Variants in TMEM74 observed in about 807,000 individuals in gnomAD.
The protein encoded by TMEM74 is transmembrane protein 74.
In TMEM74, 13 loss-of-function variants were observed where a neutral mutation model predicts 18.1. That is an observed-to-expected ratio of 0.72 (90% CI 0.47 to 1.14). The LOEUF (loss-of-function observed/expected upper bound fraction) is 1.14, where lower values mean the gene tolerates loss of function less well. Among genes scored for constraint, TMEM74 ranks in the 50% most tolerant of loss-of-function variants. The pLI, the probability that TMEM74 is intolerant of heterozygous loss-of-function variation, is 0.00. For synonymous variants in TMEM74, 159 were observed against 146.6 expected (o/e 1.08, Z -0.61); for missense variants, 372 against 375.9 (o/e 0.99, Z 0.09).
intron 1 of TMEM74, among the ~76,000 whole-genome samples, chr8:108,680,715 G>A (rs938245108): frequency 6.6e-6 from 1 of 152,174 alleles, no homozygotes; most frequent in Non-Finnish European, 1.5e-5. Context: ...AGGAAAAGAG[G>A]AAGTCAAATT....
intron 1 of TMEM74, among the ~76,000 whole-genome samples, chr8:108,748,258 T>C (rs3019364): frequency 0.38 from 57,112 of 151,978 alleles, 11,076 homozygotes; most frequent in African/African-American, 0.45. Context: ...ATAGCCATTC[T>C]GACTGGCATG....
At chr8:108,633,224 G>A (rs1046892276) in intron 2 of TMEM74, among the ~76,000 whole-genome samples, 2 of 151,834 alleles carry the variant, frequency 1.3e-5, no homozygotes, top group Non-Finnish European at 2.9e-5. Flanking sequence ...AGAAACAATA[G>A]GATTTTATAG....
intron 1 of TMEM74, among the ~76,000 whole-genome samples, chr8:108,720,844 C>A (rs763030690): frequency 6.6e-6 from 1 of 152,126 alleles, no homozygotes; most frequent in Non-Finnish European, 1.5e-5. Flanking sequence ...TCTCTGCTCA[C>A]TGCAACCTCT....
intron 2 of TMEM74, chr8:108,652,260 T>C (rs774950741): frequency 1.0e-3 from 158 of 154,366 alleles, no homozygotes; most frequent in Non-Finnish European, 1.7e-3. Context: ...CTATATATCA[T>C]GCAACCTTTA....
At chr8:108,609,577 G>A (rs1033385327) in intron 2 of TMEM74, among the ~76,000 whole-genome samples, 3 of 152,164 alleles carry the variant, frequency 2.0e-5, no homozygotes, top group South Asian at 2.1e-4. Context: ...GAACCCAGGA[G>A]GCAGAGGTTG....
intron 1 of TMEM74, among the ~76,000 whole-genome samples, chr8:108,667,626 C>T (rs1023937788): frequency 1.3e-5 from 2 of 152,112 alleles, no homozygotes; most frequent in African/African-American, 4.8e-5. Flanking sequence ...AAGGGAATTT[C>T]AAGGTTTTGC....
chr8:108,772,677 T>C (rs1485262598), intron 1 of TMEM74, among the ~76,000 whole-genome samples: 4 of 152,112 alleles, frequency 2.6e-5, no homozygotes, highest in Non-Finnish European at 5.9e-5. Flanking sequence ...GCCTATTTAT[T>C]ATAGATGAAA....
Position 108,679,714 on chromosome 8 carries a change from G to A in TMEM74, n.120-24277C>T, listed in dbSNP as rs1025766678. The stretch of plus-strand genomic sequence containing the variant: ...TTGTAGGTTGTCTGTTCACTCTGAT[G>A]GTAGTTTCTTTTGCTGTGCAGAAGC... On this transcript the variant is annotated intron_variant and non_coding_transcript_variant, in intron 1 of 3. Transcript: ENST00000518838. 3.3e-5 allele frequency among the ~76,000 whole-genome samples: 5 copies of A among 152,160 alleles called. No individual in the cohort carries two copies. The Middle Eastern group carries it at 0.017, about 518-fold the overall frequency.
At chr8:108,710,558 G>A (rs887133236) in intron 1 of TMEM74, among the ~76,000 whole-genome samples, 1 of 152,190 alleles carries the variant, frequency 6.6e-6, no homozygotes, top group Non-Finnish European at 1.5e-5. Context: ...AACACTTAGG[G>A]GGCCGTAGGC....
chr8:108,652,398 T>A (rs1053548432), intron 2 of TMEM74: 1 of 245,950 alleles, frequency 4.1e-6, no homozygotes, highest in Non-Finnish European at 7.9e-6. Flanking sequence ...TAGAAGGGAG[T>A]GCTTAGAACA....
chr8:108,711,900 C>T (rs1233973177), intron 1 of TMEM74, among the ~76,000 whole-genome samples: 1 of 151,922 alleles, frequency 6.6e-6, no homozygotes, highest in East Asian at 1.9e-4. Flanking sequence ...ATGGGTGAGA[C>T]TATGTTGGGG....
At chr8:108,662,592 C>T (rs1812911385) in intron 1 of TMEM74, among the ~76,000 whole-genome samples, 1 of 152,098 alleles carries the variant, frequency 6.6e-6, no homozygotes, top group Non-Finnish European at 1.5e-5. Context: ...TTACCATGGT[C>T]AGCCTGGCTC....
intron 1 of TMEM74, among the ~76,000 whole-genome samples, chr8:108,670,584 C>T (rs1289398060): frequency 6.6e-6 from 1 of 152,148 alleles, no homozygotes; most frequent in Non-Finnish European, 1.5e-5. Context: ...TCTTTACTTG[C>T]TTCTCAACTC....
intron 1 of TMEM74, among the ~76,000 whole-genome samples, chr8:108,697,828 G>GTTTGTTTTGT (rs1448744601): frequency 1.3e-5 from 2 of 151,970 alleles, no homozygotes; most frequent in Non-Finnish European, 2.9e-5. Flanking sequence ...CTTTATTTGC[G>GTTTGTTTTGT]TTTGTTTTGT....
At chr8:108,729,013 C>A (rs1813668547) in intron 1 of TMEM74, among the ~76,000 whole-genome samples, 1 of 152,170 alleles carries the variant, frequency 6.6e-6, no homozygotes, top group African/African-American at 2.4e-5. Context: ...GCTGCTATAT[C>A]AAATTACTAA....
In TMEM74 at chr8:108,615,819, C is replaced by CTTT. The variant is rs71564011; in HGVS notation, n.265-6996_265-6994dup. Among the ~76,000 whole-genome samples the CTTT allele has an allele frequency of 1.3e-3, 96 of 76,444 alleles. 1 individual carries two copies. The highest frequency in any genetic ancestry group is 1.8e-3 in the African/African-American group (34 of 18,588). 50.2% of individuals were successfully genotyped at this position (76,444 alleles called of 152,430 possible). On this transcript the variant is annotated intron_variant and non_coding_transcript_variant, in intron 2 of 3. Transcript: ENST00000518838. ...TGCAATGATTGGGATTGCATGGGAG[C>CTTT]TTTTTTTTTTTTTTTTTTTTTTTGG...
At chr8:108,718,012 G>A (rs1432280790) in intron 1 of TMEM74, among the ~76,000 whole-genome samples, 1 of 63,210 alleles carries the variant, frequency 1.6e-5, no homozygotes, top group East Asian at 1.2e-3. Flanking sequence ...AGGCTGGAGT[G>A]CAGTGGCGGG....
chr8:108,737,077 C>T (rs1370845492), intron 1 of TMEM74, among the ~76,000 whole-genome samples: 1 of 152,114 alleles, frequency 6.6e-6, no homozygotes, highest in Admixed American at 6.5e-5. Flanking sequence ...TGCTTATTTT[C>T]TTTAAAGTGT....
chr8:108,702,095 A>G (rs892188730), intron 1 of TMEM74, among the ~76,000 whole-genome samples: 2 of 152,108 alleles, frequency 1.3e-5, no homozygotes, highest in African/African-American at 4.8e-5. Context: ...TGGCAATCCC[A>G]GCACTTTGGG....
Sources: gnomAD v4.1 joint callset for allele counts (sites outside exome capture counted in the v4.1 genomes callset) on GRCh38, gnomAD v4.1.1 for gene constraint, MANE v1.5 for transcripts, NCBI Gene and HGNC (gene_info 2026-07-23, HGNC 2026-07-21) for gene names.